The following MYO16 variants were observed in gnomAD, a reference collection of about 807,000 sequenced individuals.
The protein encoded by MYO16 is unconventional myosin-XVI.
A neutral mutation model predicts 205.3 loss-of-function variants in MYO16; 94 were observed. The observed-to-expected ratio is 0.46, with a 90% CI of 0.39 to 0.54. MYO16 has a LOEUF of 0.54. Among genes scored for constraint, MYO16 ranks in the 20% least tolerant of loss-of-function variants. The probability of loss-of-function intolerance (pLI) is 0.00; values close to 1 mark genes in which losing one functional copy is unlikely to be tolerated. For missense variants in MYO16, 2,315 were observed against 2,387.5 expected (o/e 0.97, Z 0.63); for synonymous variants, 988 against 954.0 (o/e 1.04, Z -0.66).
chr13:108,503,768 A>G, the MYO16 span, among the ~76,000 whole-genome samples: 4 of 152,180 alleles, frequency 2.6e-5, no homozygotes, highest in Non-Finnish European at 5.9e-5. Context: ...ACACATCACA[A>G]ATACTTTTTA....
chr13:108,510,444 A>T, the MYO16 span, among the ~76,000 whole-genome samples: 467 of 46,696 alleles, frequency 0.01, no homozygotes, highest in Middle Eastern at 0.018. Context: ...TTTTTTTTAT[A>T]TTTAACATTG....
chr13:109,052,444 G>A lies in MYO16; in HGVS notation c.3017G>A (p.Gly1006Glu). 6.2e-7 allele frequency: 1 copy of A among 1,610,372 alleles called. No individual in the cohort carries two copies. The change falls in exon 25 of 35, where the codon GGA becomes GAA. Residue 1006 changes from glycine to glutamate, a missense_variant. By Grantham distance (98) the Gly-to-Glu change is moderately conservative. Transcript: ENST00000457511. ...AAAATGACAGCTTCTTCAATTATTG[G>A]AGAAAACAAGAATTATCTAGAACTT... The part of the protein sequence containing the change: ...SKKMTASSII[G>E]ENKNYLELSK...
the MYO16 span, among the ~76,000 whole-genome samples, chr13:108,523,779 G>A: frequency 7.2e-5 from 11 of 152,140 alleles, no homozygotes; most frequent in African/African-American, 2.4e-4. Context: ...ACTTTACCTC[G>A]TTACCCCACT....
intron 22 of MYO16, among the ~76,000 whole-genome samples, chr13:109,009,491 T>G (rs557997735): frequency 1.9e-4 from 29 of 152,306 alleles, no homozygotes; most frequent in Non-Finnish European, 3.1e-4. Context: ...ACATATATAA[T>G]GTCGGTTAAA....
the MYO16 span, among the ~76,000 whole-genome samples, chr13:108,578,309 A>G: frequency 6.6e-6 from 1 of 152,238 alleles, no homozygotes; most frequent in African/African-American, 2.4e-5. Flanking sequence ...CTGCCATTTG[A>G]AGAGTGAAAA....
chr13:108,919,476 C>T (rs369093726), intron 16 of MYO16, among the ~76,000 whole-genome samples: 12 of 144,914 alleles, frequency 8.3e-5, no homozygotes, highest in South Asian at 2.3e-4. Flanking sequence ...GGGAATTTGG[C>T]GTGAGCGATT....
Position 109,052,437 on chromosome 13 carries a change from A to G in MYO16, c.3010A>G (p.Ile1004Val). ...LLSKKMTASS[I>V]IGENKNYLEL... is the part of the protein sequence containing the mutation. ...CAGTAAGAAAATGACAGCTTCTTCA[A>G]TTATTGGAGAAAACAAGAATTATCT... The change falls in exon 25 of 35, where the codon ATT becomes GTT. Residue 1004 changes from isoleucine to valine, a missense_variant. Ile to Val is a conservative substitution (Grantham distance 29, BLOSUM62 3). This residue lies in a region of MYO16 where 1,213 missense variants were observed against 1,274.4 expected (regional missense o/e 0.95). Coordinates refer to ENST00000457511, the MANE Select transcript of MYO16 (RefSeq NM_001198950.3). 6.2e-7 allele frequency: 1 copy of G among 1,611,560 alleles called. No individual in the cohort carries two copies. Among genetic ancestry groups the G allele is most frequent in the South Asian group, 1.1e-5 (1 of 90,670 alleles).
chr13:109,164,901 G>A lies in MYO16; in HGVS notation c.5165G>A (p.Gly1722Asp), dbSNP rs1443616302. The change falls in exon 33 of 35, where the codon GGT (glycine) becomes GAT (aspartate). Residue 1722 changes from glycine to aspartate, a missense_variant and splice_region_variant. Gly to Asp is a moderately conservative substitution (Grantham distance 94, BLOSUM62 -1). This residue lies in a region of MYO16 where 1,097 missense variants were observed against 1,092.0 expected (regional missense o/e 1.00). Coordinates refer to ENST00000457511, the MANE Select transcript of MYO16 (RefSeq NM_001198950.3). ...AAGRKIREAE[G>D]FETNMNISSR... ...TTATGTTTTCTAAAATTTATTTTAG[G>A]TTTTGAAACTAACATGAACATAAGT... 2 of 1,549,972 alleles carry A rather than the reference G, an allele frequency of 1.3e-6. No homozygotes were observed. Among genetic ancestry groups the A allele is most frequent in the African/African-American group, 1.4e-5 (1 of 71,828 alleles).
intron 23 of MYO16, among the ~76,000 whole-genome samples, chr13:109,043,622 TTGTC>T (rs1163265853): frequency 2.0e-5 from 3 of 152,130 alleles, no homozygotes; most frequent in African/African-American, 7.2e-5. Flanking sequence ...TTTTGACTAT[TTGTC>T]TGTCAAAATA....
intron 23 of MYO16, among the ~76,000 whole-genome samples, chr13:109,029,118 T>C (rs959532318): frequency 3.0e-4 from 42 of 140,712 alleles, no homozygotes; most frequent in South Asian, 1.8e-3. Flanking sequence ...TTTTCTTTTT[T>C]TTTTTTTTTT....
chr13:108,922,879 G>A (rs1039989805), intron 16 of MYO16, among the ~76,000 whole-genome samples: 21 of 152,202 alleles, frequency 1.4e-4, no homozygotes, highest in African/African-American at 5.1e-4. Flanking sequence ...GTTTAGGAGG[G>A]AGACTATACG....
At chr13:108,856,067 G>A (rs535889527) in intron 11 of MYO16, among the ~76,000 whole-genome samples, 35 of 152,270 alleles carry the variant, frequency 2.3e-4, no homozygotes, top group African/African-American at 7.7e-4. Flanking sequence ...AGTAGAATCC[G>A]AAAATATTAC....
chr13:108,883,233 G>A (rs1253305085), intron 13 of MYO16, 47 bp downstream of exon 13: 1 of 1,592,478 alleles, frequency 6.3e-7, no homozygotes, highest in Non-Finnish European at 8.6e-7. Context: ...TTGCCACGGG[G>A]CTTGGCAGTA....
At chr13:108,932,696 G>A (rs1882310923) in intron 16 of MYO16, among the ~76,000 whole-genome samples, 1 of 152,134 alleles carries the variant, frequency 6.6e-6, no homozygotes, top group Non-Finnish European at 1.5e-5. Flanking sequence ...CTGTGCATCT[G>A]TGGGCAGAGA....
At chr13:108,846,984 C>T (rs2139078950) in intron 10 of MYO16, among the ~76,000 whole-genome samples, 1 of 152,138 alleles carries the variant, frequency 6.6e-6, no homozygotes, top group South Asian at 2.1e-4. Context: ...TTGAGTTTAG[C>T]AGTAGTAAGT....
Position 109,127,482 on chromosome 13 carries a change from C to T in MYO16, c.3983C>T (p.Thr1328Ile). The T allele has an allele frequency of 6.2e-7, 1 of 1,613,890 alleles. No homozygotes were observed. The highest frequency in any genetic ancestry group is 8.5e-7 in the Non-Finnish European group (1 of 1,179,988). Residue 1328 changes from threonine to isoleucine, a missense_variant, in exon 31 of 35, where the codon ACC becomes ATC. Coordinates refer to ENST00000457511, the MANE Select transcript of MYO16 (RefSeq NM_001198950.3). This position sits in a 1 kb window ranked among gnomAD's most constrained non-coding sequence, Gnocchi z 4.2. ...PPPKPKRDPN[T>I]RLSASYEAVS... ...CCCAAGCCAAAGAGGGACCCCAACACCCGGCTGAGTGCTTCCTATGAGGCT... is the reference window on the plus strand; with the variant it reads ...CCCAAGCCAAAGAGGGACCCCAACATCCGGCTGAGTGCTTCCTATGAGGCT...
At chr13:108,641,738 T>A (rs543614314) in intron 1 of MYO16, among the ~76,000 whole-genome samples, 1 of 152,286 alleles carries the variant, frequency 6.6e-6, no homozygotes, top group East Asian at 1.9e-4. Flanking sequence ...CAGGGCAACA[T>A]TTTGCTTCAC....
chr13:109,003,475 A>C (rs553527702), intron 21 of MYO16, among the ~76,000 whole-genome samples: 2 of 152,336 alleles, frequency 1.3e-5, no homozygotes, highest in South Asian at 4.1e-4. Context: ...AATCATTTTG[A>C]TTGACCAAGA....
chr13:108,591,512 G>A (rs184588196), upstream of MYO16, among the ~76,000 whole-genome samples: 61 of 151,974 alleles, frequency 4.0e-4, no homozygotes, highest in African/African-American at 1.4e-3. Context: ...GCCAGGCTTT[G>A]GTTCTTTTCT....
Sources: gnomAD v4.1 joint callset for allele counts (sites outside exome capture counted in the v4.1 genomes callset) on GRCh38, gnomAD v4.1.1 for gene constraint, gnomAD v4.1.1 regional missense constraint, Gnocchi (gnomAD v3.1) non-coding constraint, MANE v1.5 for transcripts, NCBI Gene and HGNC (gene_info 2026-07-23, HGNC 2026-07-21) for gene names.